PCDHA8: variants seen among roughly 807,000 people sequenced by gnomAD.
PCDHA8 encodes protocadherin alpha-8.
A neutral mutation model predicts 61.8 loss-of-function variants in PCDHA8; 53 were observed. That is an observed-to-expected ratio of 0.86 (90% CI 0.69 to 1.08). PCDHA8 has a LOEUF of 1.08. Among genes scored for constraint, PCDHA8 ranks in the 50% least tolerant of loss-of-function variants. The pLI is 0.00. For synonymous variants in PCDHA8, 618 were observed against 556.6 expected, an observed-to-expected ratio of 1.11 and a Z score of -1.55; for missense variants, 1,293 against 1,245.0, an observed-to-expected ratio of 1.04 and a Z score of -0.58.
At chr5:140,876,750 T>C (rs2056553251) in intron 1 of PCDHA8, 7 of 1,614,238 alleles carry the variant, frequency 4.3e-6, no homozygotes, top group African/African-American at 1.3e-5. Flanking sequence ...TGGTGGTGAC[T>C]GCGCGGGATG....
Position 140,946,611 on chromosome 5 carries a change from AAT to A in PCDHA8, c.2395-32318_2395-32317del, listed in dbSNP as rs1554217734. On this transcript the variant is annotated intron_variant, in intron 1 of 3. Coordinates refer to ENST00000531613, the MANE Select transcript of PCDHA8 (RefSeq NM_018911.3). ...GGATGAATAGATAAAGAAAATGTGA[AAT>A]ATATATATATATATATATACAATGG... is the stretch of plus-strand genomic sequence containing the variant. 5.8e-3 allele frequency among the ~76,000 whole-genome samples: 503 copies of A among 86,618 alleles called. 18 individuals are homozygous for A. The highest frequency in any genetic ancestry group is 0.022 in the Middle Eastern group (4 of 186). The allele number at this position is 86,618 out of a possible 152,430, so 56.8% of individuals were successfully genotyped here. A position where few individuals can be genotyped will look rare whatever the true frequency, so the allele number is the denominator to read the frequency against.
chr5:140,868,954 C>T (rs192231), intron 1 of PCDHA8: 649,749 of 1,346,616 alleles, frequency 0.48, 158,482 homozygotes, highest in South Asian at 0.57. Flanking sequence ...GTGAGGCACT[C>T]CCATACAAAG....
At chr5:140,883,890 G>T (rs2153398485) in intron 1 of PCDHA8, 1 of 1,613,462 alleles carries the variant, frequency 6.2e-7, no homozygotes, top group Non-Finnish European at 8.5e-7. Context: ...CGCGACTCTG[G>T]CGTGCCGCCT....
intron 1 of PCDHA8, chr5:140,928,113 G>C: frequency 6.2e-7 from 1 of 1,614,228 alleles, no homozygotes; most frequent in Admixed American, 1.7e-5. Context: ...ACCGGGAGCA[G>C]ATCAGTGAAT....
intron 1 of PCDHA8, chr5:140,967,079 A>T: frequency 1.2e-6 from 2 of 1,613,252 alleles, no homozygotes; most frequent in South Asian, 2.2e-5. Flanking sequence ...CAACGAGCGC[A>T]TTGATCGGGA....
At chr5:140,880,241 C>A (rs529552139) in intron 1 of PCDHA8, among the ~76,000 whole-genome samples, 1 of 150,190 alleles carries the variant, frequency 6.7e-6, no homozygotes, top group African/African-American at 2.5e-5. Flanking sequence ...AGTGTATGTG[C>A]GTGTGTGTAT....
intron 1 of PCDHA8, chr5:140,927,032 C>T: frequency 6.2e-7 from 1 of 1,612,120 alleles, no homozygotes; most frequent in Non-Finnish European, 8.5e-7. Context: ...AGGCTGCCAG[C>T]GGCCGCTATG....
At chr5:140,999,993 G>A (rs529237834) in intron 3 of PCDHA8, among the ~76,000 whole-genome samples, 1 of 152,114 alleles carries the variant, frequency 6.6e-6, no homozygotes, top group African/African-American at 2.4e-5. Flanking sequence ...CTGGGTAGTG[G>A]TATTAGATTG....
At chr5:140,873,973 T>C (rs1255024393) in intron 1 of PCDHA8, among the ~76,000 whole-genome samples, 2 of 152,224 alleles carry the variant, frequency 1.3e-5, no homozygotes. Flanking sequence ...TTTTTTAAAA[T>C]TAAAGTTCCT....
chr5:140,841,314 T>C lies in PCDHA8; in HGVS notation c.-8T>C, dbSNP rs2150313381. 12 of 1,583,242 alleles carry C rather than the reference T, an allele frequency of 7.6e-6. No homozygotes were observed. Among genetic ancestry groups the C allele is most frequent in the Non-Finnish European group, 1.0e-5 (12 of 1,165,190 alleles). On this transcript the variant is annotated 5_prime_UTR_variant, in exon 1 of 4. Transcript: ENST00000531613. ...ATAATATTTTCTGATAGGAAACGAC[T>C]ATTTAACATGGATTATCACTGGCGA...
At chr5:140,870,938 C>T in intron 1 of PCDHA8, 5 of 1,613,724 alleles carry the variant, frequency 3.1e-6, no homozygotes, top group East Asian at 2.2e-5. Flanking sequence ...GAATTGCAGC[C>T]GGCGGCGGGC....
At chr5:140,968,560 C>T (rs782202250) in intron 1 of PCDHA8, 2 of 1,614,154 alleles carry the variant, frequency 1.2e-6, no homozygotes, top group Admixed American at 1.7e-5. Context: ...CTCGAACTGC[C>T]CCTGCTGGCT....
intron 1 of PCDHA8, among the ~76,000 whole-genome samples, chr5:140,972,812 C>T (rs782305867): frequency 5.3e-5 from 8 of 151,914 alleles, no homozygotes; most frequent in East Asian, 3.9e-4. Context: ...TACAGGCACG[C>T]GCCACCACGC....
intron 3 of PCDHA8, among the ~76,000 whole-genome samples, chr5:140,986,469 T>G (rs2097202307): frequency 6.6e-6 from 1 of 152,214 alleles, no homozygotes; most frequent in Non-Finnish European, 1.5e-5. Context: ...TGCCCTCTTG[T>G]GATCAGTTCC....
intron 1 of PCDHA8, chr5:140,860,712 G>C (rs1200202390): frequency 5.3e-5 from 8 of 152,188 alleles, no homozygotes; most frequent in African/African-American, 1.9e-4. Flanking sequence ...TGTTCTCCAT[G>C]AAAAGTTTTT....
chr5:140,863,242 G>A (rs2047891518), intron 1 of PCDHA8: 3 of 1,345,158 alleles, frequency 2.2e-6, no homozygotes, highest in African/African-American at 2.9e-5. Context: ...GCGGGCTTTG[G>A]CGGGCGTCGA....
At chr5:140,996,802 T>C (rs1554255415) in intron 3 of PCDHA8, among the ~76,000 whole-genome samples, 1 of 152,218 alleles carries the variant, frequency 6.6e-6, no homozygotes, top group Non-Finnish European at 1.5e-5. Flanking sequence ...CATCCAATCA[T>C]GCTTTCCAAA....
intron 1 of PCDHA8, among the ~76,000 whole-genome samples, chr5:140,897,068 T>A (rs2153455202): frequency 6.6e-6 from 1 of 152,252 alleles, no homozygotes; most frequent in East Asian, 1.9e-4. Context: ...CTATGTCTTA[T>A]TCATTTTTTC....
chr5:140,893,753 A>G (rs1007226278), intron 1 of PCDHA8, among the ~76,000 whole-genome samples: 3 of 152,106 alleles, frequency 2.0e-5, no homozygotes, highest in South Asian at 2.1e-4. Context: ...GAATTTTCTT[A>G]TAGGTGACTT....
Sources: gnomAD v4.1 joint callset for allele counts (sites outside exome capture counted in the v4.1 genomes callset) on GRCh38, gnomAD v4.1.1 for gene constraint, MANE v1.5 for transcripts, NCBI Gene and HGNC (gene_info 2026-07-23, HGNC 2026-07-21) for gene names.